Variants in C1QTNF7 observed in about 807,000 individuals in gnomAD.
The protein encoded by C1QTNF7 is C1q and TNF related 7, also known as complement C1q tumor necrosis factor-related protein 7.
Under a neutral mutation model 19.6 loss-of-function variants are expected in C1QTNF7, and 15 were observed. The observed-to-expected ratio is 0.76, with a 90% CI of 0.51 to 1.18. The LOEUF (loss-of-function observed/expected upper bound fraction) is 1.18. Among genes scored for constraint, C1QTNF7 ranks in the 50% most tolerant of loss-of-function variants. The probability of loss-of-function intolerance (pLI) is 0.00; values close to 1 mark genes in which losing one functional copy is unlikely to be tolerated. For synonymous variants in C1QTNF7, 142 were observed against 137.5 expected, an observed-to-expected ratio of 1.03 and a Z score of -0.23; for missense variants, 324 against 359.7, an observed-to-expected ratio of 0.90 and a Z score of 0.80.
intron 1 of C1QTNF7, among the ~76,000 whole-genome samples, chr4:15,396,447 C>T (rs1560354837): frequency 1.3e-5 from 2 of 152,142 alleles, no homozygotes; most frequent in Non-Finnish European, 2.9e-5. Flanking sequence ...CTTTTCTCAG[C>T]GCTTCCAGTG....
At chr4:15,342,178 G>T (rs1716566453) in intron 1 of C1QTNF7, among the ~76,000 whole-genome samples, 1 of 152,138 alleles carries the variant, frequency 6.6e-6, no homozygotes, top group South Asian at 2.1e-4. Context: ...TGACCTAATC[G>T]CACCTCCTCG....
intron 1 of C1QTNF7, among the ~76,000 whole-genome samples, chr4:15,343,182 A>G (rs761817630): frequency 5.3e-5 from 8 of 152,196 alleles, no homozygotes; most frequent in Non-Finnish European, 1.0e-4. Context: ...TTATTAATTA[A>G]AATCTAATGT....
upstream of C1QTNF7, among the ~76,000 whole-genome samples, chr4:15,425,990 C>T (rs1712029252): frequency 6.6e-6 from 1 of 152,012 alleles, no homozygotes; most frequent in African/African-American, 2.4e-5. Flanking sequence ...TTGACCATGG[C>T]GGGGGTATTC....
intron 1 of C1QTNF7, among the ~76,000 whole-genome samples, chr4:15,342,698 A>G (rs1577223730): frequency 1.3e-5 from 2 of 152,362 alleles, no homozygotes; most frequent in African/African-American, 4.8e-5. Context: ...TGAGCCCATA[A>G]GACAAGTAGC....
Position 15,341,823 on chromosome 4 carries a change from C to T in C1QTNF7, c.13+1616C>T, listed in dbSNP as rs180812061. 5.9e-5 allele frequency among the ~76,000 whole-genome samples: 9 copies of T among 152,290 alleles called. No individual in the cohort carries two copies. The East Asian group carries it at 1.6e-3, about 26-fold the overall frequency. ...GCAGCTCTAGAGCTGGGATGGCCAG[C>T]GTTTGCATGGCGCCTGAGTGCACCC... On this transcript the variant is annotated intron_variant, in intron 1 of 2. Coordinates refer to the C1QTNF7 transcript ENST00000295297.
At chr4:15,372,164 GGCTT>G (rs1423174477) in intron 1 of C1QTNF7, among the ~76,000 whole-genome samples, 1 of 152,162 alleles carries the variant, frequency 6.6e-6, no homozygotes, top group African/African-American at 2.4e-5. Context: ...ACTTCCCGCA[GGCTT>G]GCTATGGACT....
intron 1 of C1QTNF7, among the ~76,000 whole-genome samples, chr4:15,373,161 G>A (rs1209447009): frequency 1.3e-5 from 2 of 152,210 alleles, no homozygotes; most frequent in Non-Finnish European, 2.9e-5. Flanking sequence ...GGTGCCAACA[G>A]GTTTAAGGCC....
chr4:15,395,112 G>C (rs774931251), intron 1 of C1QTNF7, among the ~76,000 whole-genome samples: 1 of 152,174 alleles, frequency 6.6e-6, no homozygotes, highest in Non-Finnish European at 1.5e-5. Flanking sequence ...GGAGAGAAGA[G>C]AGAGCCTGGG....
chr4:15,404,127 T>G (rs1471825869), intron 1 of C1QTNF7, among the ~76,000 whole-genome samples: 1 of 152,216 alleles, frequency 6.6e-6, no homozygotes, highest in Non-Finnish European at 1.5e-5. Context: ...TTTAAATTGT[T>G]TCCCATTTTT....
chr4:15,360,397 G>A (rs996398378), intron 1 of C1QTNF7, among the ~76,000 whole-genome samples: 1 of 152,120 alleles, frequency 6.6e-6, no homozygotes, highest in South Asian at 2.1e-4. Flanking sequence ...CTTGTTTTAC[G>A]TATGCTTACG....
chr4:15,371,682 G>C (rs1290040513), intron 1 of C1QTNF7, among the ~76,000 whole-genome samples: 1 of 152,218 alleles, frequency 6.6e-6, no homozygotes, highest in Non-Finnish European at 1.5e-5. Context: ...GGAAGAGCAA[G>C]GGTGCGGAGG....
At chr4:15,405,954 C>A (rs926724710) in intron 1 of C1QTNF7, among the ~76,000 whole-genome samples, 6 of 152,166 alleles carry the variant, frequency 3.9e-5, no homozygotes, top group African/African-American at 1.2e-4. Context: ...TTGTCCCCCC[C>A]AGACTCACTG....
chr4:15,398,188 CA>C (rs1718860541), intron 1 of C1QTNF7, among the ~76,000 whole-genome samples: 1 of 152,112 alleles, frequency 6.6e-6, no homozygotes, highest in South Asian at 2.1e-4. Flanking sequence ...GGCCCTAGGT[CA>C]AAAGGAGCTT....
Position 15,387,907 on chromosome 4 carries a change from A to T in C1QTNF7, c.13+47700A>T, listed in dbSNP as rs539097546. On this transcript the variant is annotated intron_variant, in intron 1 of 2. Transcript: ENST00000295297. ...CCTTCAAAGAGAAGGAAATGTATGC[A>T]GGACAGAGAGGAGAACTGCTCTAGT... 5.3e-5 allele frequency among the ~76,000 whole-genome samples: 8 copies of T among 152,200 alleles called. No individual in the cohort carries two copies. The South Asian group carries it at 1.7e-3, about 31-fold the overall frequency.
chr4:15,394,525 C>A (rs1038660878), intron 1 of C1QTNF7, among the ~76,000 whole-genome samples: 1 of 152,204 alleles, frequency 6.6e-6, no homozygotes, highest in Non-Finnish European at 1.5e-5. Context: ...TGTGCAGAGT[C>A]TCAAAAAGGT....
At chr4:15,384,529 A>G (rs1038925995) in intron 1 of C1QTNF7, among the ~76,000 whole-genome samples, 1 of 152,200 alleles carries the variant, frequency 6.6e-6, no homozygotes, top group East Asian at 1.9e-4. Flanking sequence ...TTCTCTTTCT[A>G]TGACCCCTGA....
intron 1 of C1QTNF7, among the ~76,000 whole-genome samples, chr4:15,364,761 T>A (rs1035384407): frequency 1.3e-5 from 2 of 152,132 alleles, no homozygotes; most frequent in African/African-American, 4.8e-5. Flanking sequence ...GCAAGCATCA[T>A]CCCATTGCAT....
intron 1 of C1QTNF7, among the ~76,000 whole-genome samples, chr4:15,413,457 C>T (rs1306695787): frequency 6.6e-6 from 1 of 152,158 alleles, no homozygotes; most frequent in Non-Finnish European, 1.5e-5. Flanking sequence ...TAAAAATTGG[C>T]AAACTCTCCA....
At chr4:15,352,132 C>T (rs982625499) in intron 1 of C1QTNF7, among the ~76,000 whole-genome samples, 2 of 152,200 alleles carry the variant, frequency 1.3e-5, no homozygotes, top group Admixed American at 1.3e-4. Flanking sequence ...AGAATCTTGA[C>T]CAAATATGCC....
Sources: gnomAD v4.1 joint callset for allele counts (sites outside exome capture counted in the v4.1 genomes callset) on GRCh38, gnomAD v4.1.1 for gene constraint, MANE v1.5 for transcripts, NCBI Gene and HGNC (gene_info 2026-07-23, HGNC 2026-07-21) for gene names.